Variants in KDM3A observed in about 807,000 individuals in gnomAD.
KDM3A encodes lysine demethylase 3A, also known as lysine-specific demethylase 3A.
In KDM3A, 60 loss-of-function variants were observed where a neutral mutation model predicts 158.0. That is an observed-to-expected ratio of 0.38 (90% CI 0.31 to 0.47). KDM3A has a LOEUF of 0.47. Ranked by LOEUF, KDM3A falls within the 20% of genes least tolerant of loss-of-function variation. KDM3A has a pLI of 0.99. For missense variants in KDM3A, 1,319 were observed against 1,574.3 expected (o/e 0.84, Z 2.74); for synonymous variants, 608 against 549.3 (o/e 1.11, Z -1.49).
At position 86,466,575 on chromosome 2, in the gene KDM3A, A is replaced by G; in HGVS notation, c.1211A>G (p.Glu404Gly). 2 of 1,613,968 alleles carry G rather than the reference A, an allele frequency of 1.2e-6. No homozygotes were observed. The highest frequency in any genetic ancestry group is 1.7e-6 in the Non-Finnish European group (2 of 1,179,908). Residue 404 changes from glutamate (E) to glycine (G), a missense_variant, in exon 10 of 26, where the codon GAG becomes GGG. This residue lies in a region of KDM3A where 652 missense variants were observed against 627.2 expected (regional missense o/e 1.04). Transcript: ENST00000312912. Reference sequence around the variant, plus strand: ...AACACTGATCAGGAAAACAGATTGGAGTCTGTTCCACAAGCATTGACTGGC... The same window carrying G: ...AACACTGATCAGGAAAACAGATTGGGGTCTGTTCCACAAGCATTGACTGGC... ...KTNTDQENRL[E>G]SVPQALTGLP...
At chr2:86,455,293 TC>T (rs1672642202) in intron 5 of KDM3A, 106 bp downstream of exon 5, 18 of 697,838 alleles carry the variant, frequency 2.6e-5, no homozygotes, top group South Asian at 1.9e-4. Flanking sequence ...ATTTCTTTTT[TC>T]TTTTTTTTTT....
intron 2 of KDM3A, among the ~76,000 whole-genome samples, chr2:86,447,926 G>A (rs1683021017): frequency 6.6e-6 from 1 of 152,148 alleles, no homozygotes; most frequent in Non-Finnish European, 1.5e-5. Context: ...ATGTGAATAT[G>A]GAGCAGAAAG....
At chr2:86,461,436 T>C (rs558898910) in intron 8 of KDM3A, among the ~76,000 whole-genome samples, 43 of 152,340 alleles carry the variant, frequency 2.8e-4, no homozygotes, top group Admixed American at 8.5e-4. Flanking sequence ...TTTAGAAATG[T>C]TACATGCTAA....
chr2:86,470,108 T>C (rs1390228782), intron 10 of KDM3A, 96 bp from the exon 11 acceptor site: 5 of 976,518 alleles, frequency 5.1e-6, no homozygotes, highest in Non-Finnish European at 7.9e-6. Context: ...GAGTTCTCTT[T>C]AAGGGAATAT....
At chr2:86,443,832 C>T (rs1210882774) in intron 2 of KDM3A, among the ~76,000 whole-genome samples, 2 of 152,146 alleles carry the variant, frequency 1.3e-5, no homozygotes. Context: ...GAATGGCCAA[C>T]CTTTTTGCTT....
In KDM3A at chr2:86,478,228, A is replaced by G. The variant is rs757066786; in HGVS notation, c.2151A>G (p.Pro717=). 6 of 1,613,988 alleles carry G rather than the reference A, an allele frequency of 3.7e-6. No individual in the cohort carries two copies. Among genetic ancestry groups the G allele is most frequent in the Non-Finnish European group, 4.2e-6 (5 of 1,179,786 alleles). ...LKCVKSQIHE[P]ENLMPTQIIP... ...GTGTGAAGAGTCAGATACATGAACCAGAGAACTTAATGCCCACACAGATCA... is the reference window on the plus strand; with the variant it reads ...GTGTGAAGAGTCAGATACATGAACCGGAGAACTTAATGCCCACACAGATCA... Residue 717 remains proline (P), a synonymous_variant, in exon 14 of 26, where the codon CCA becomes CCG. Transcript: ENST00000312912.
Position 86,485,039 on chromosome 2 carries a change from T to G in KDM3A, c.3182+10T>G. On this transcript the variant is annotated intron_variant, in intron 20 of 25. Coordinates refer to ENST00000312912, the MANE Select transcript of KDM3A (RefSeq NM_018433.6). ...ATATGATGCCTTCCAGGTATGATTA[T>G]GAAGGTGGGGAGAGATGATTCTGTC... The G allele has an allele frequency of 6.9e-7, 1 of 1,458,826 alleles. No homozygotes were observed. Among genetic ancestry groups the G allele is most frequent in the East Asian group, 2.3e-5 (1 of 44,114 alleles). The allele number at this position is 1,458,826 out of a possible 1,614,324, so 90.4% of individuals were successfully genotyped here.
intron 5 of KDM3A, among the ~76,000 whole-genome samples, chr2:86,455,744 A>T (rs555790073): frequency 6.6e-6 from 1 of 151,990 alleles, no homozygotes; most frequent in East Asian, 1.9e-4. Flanking sequence ...CTAGGATAGG[A>T]GTTCAAGACC....
chr2:86,475,282 G>T (rs1163392696), intron 12 of KDM3A, among the ~76,000 whole-genome samples: 2 of 152,154 alleles, frequency 1.3e-5, no homozygotes, highest in East Asian at 1.9e-4. Context: ...ACTAAAAGGG[G>T]ATGAGGTCTC....
intron 23 of KDM3A, chr2:86,490,562 C>T (rs548725421): frequency 3.2e-5 from 6 of 187,270 alleles, no homozygotes; most frequent in Admixed American, 5.7e-5. Flanking sequence ...AACTTTAAAA[C>T]AAGTTCATTT....
chr2:86,447,280 G>A (rs2104624662), intron 2 of KDM3A, among the ~76,000 whole-genome samples: 1 of 150,680 alleles, frequency 6.6e-6, no homozygotes, highest in South Asian at 2.1e-4. Context: ...TGTTTTTAAG[G>A]AGGTAAACTT....
At chr2:86,486,734 AG>A (rs1343724334) in intron 21 of KDM3A, among the ~76,000 whole-genome samples, 2 of 151,818 alleles carry the variant, frequency 1.3e-5, no homozygotes, top group Non-Finnish European at 2.9e-5. Context: ...CTGTTGGGGG[AG>A]GGAAGGGAAG....
In KDM3A at chr2:86,457,067, C is replaced by G; in HGVS notation, c.839C>G (p.Ser280Cys). ...GTTTCCAAACAAGCAAAATCTTGCT[C>G]TGAGGTAACCTTTATTTATGTCACT... The part of the protein sequence containing the change: ...TLVSKQAKSC[S>C]EASPSMCPVQ... Residue 280 changes from serine (S) to cysteine (C), a missense_variant, in exon 8 of 26, where the codon TCT becomes TGT. Ser to Cys is a moderately radical substitution (Grantham distance 112). This residue lies in a region of KDM3A where 652 missense variants were observed against 627.2 expected (regional missense o/e 1.04). Coordinates refer to ENST00000312912, the MANE Select transcript of KDM3A (RefSeq NM_018433.6). 1 of 1,556,744 alleles carries G rather than the reference C, an allele frequency of 6.4e-7. No homozygotes were observed. The highest frequency in any genetic ancestry group is 1.2e-5 in the South Asian group (1 of 83,410).
chr2:86,474,785 C>T lies in KDM3A; in HGVS notation c.1734C>T (p.Phe578=). The T allele has an allele frequency of 7.0e-7, 1 of 1,425,658 alleles. No homozygotes were observed. The highest frequency in any genetic ancestry group is 9.4e-7 in the Non-Finnish European group (1 of 1,059,930). The allele number at this position is 1,425,658 out of a possible 1,614,324, so 88.3% of individuals were successfully genotyped here. A position where few individuals can be genotyped will look rare whatever the true frequency, so the allele number is the denominator to read the frequency against. ...CRFFHFRRLQ[F]NKHGVLRVEG... ...CCCCTGCTTCCCCTAGGTTACAATT[C>T]AACAAACATGGTGTGTTGCGGGTAG... is the stretch of plus-strand genomic sequence containing the variant. The change falls in exon 12 of 26, where the codon TTC becomes TTT. Residue 578 remains phenylalanine, a synonymous_variant. Transcript: ENST00000312912.
chr2:86,454,128 C>T (rs889382350), intron 4 of KDM3A, among the ~76,000 whole-genome samples: 28 of 152,180 alleles, frequency 1.8e-4, no homozygotes, highest in Admixed American at 1.8e-3. Context: ...TTTGTCCCCC[C>T]ACCTCCCTTT....
chr2:86,438,485 G>A (rs1682528384), upstream of KDM3A, among the ~76,000 whole-genome samples: 1 of 151,836 alleles, frequency 6.6e-6, no homozygotes, highest in Non-Finnish European at 1.5e-5. Context: ...TGCTAAGAGT[G>A]GATTTTAAGT....
At chr2:86,443,258 T>C (rs1016047275) in intron 2 of KDM3A, 8 of 152,234 alleles carry the variant, frequency 5.3e-5, no homozygotes, top group African/African-American at 1.9e-4. Flanking sequence ...TTAAACTATG[T>C]TCAAATAAAG....
intron 18 of KDM3A, 74 bp downstream of exon 18, chr2:86,482,768 C>A: frequency 7.2e-7 from 1 of 1,396,994 alleles, no homozygotes; most frequent in South Asian, 1.2e-5. Context: ...TTCTGACAAC[C>A]CCACCCCAGG....
rs373103393 is a variant in KDM3A, at chr2:86,474,936, T to G, written c.1885T>G (p.Phe629Val). 3.1e-6 allele frequency: 5 copies of G among 1,614,012 alleles called. No individual in the cohort carries two copies. The highest frequency in any genetic ancestry group is 4.2e-6 in the Non-Finnish European group (5 of 1,180,036). The change falls in exon 12 of 26, where the codon TTC becomes GTC. Residue 629 changes from phenylalanine (F) to valine (V), a missense_variant. Around this residue, in one of 4 missense-constraint regions of KDM3A, gnomAD observed 113 missense variants for 190.5 expected, o/e 0.59. Coordinates refer to ENST00000312912, the MANE Select transcript of KDM3A (RefSeq NM_018433.6). Reference sequence around the variant, plus strand: ...CATCTTGGCCAACATTGGAGACCACTTCTGTCAAATGGTGATTTCTGAAAA... The same window carrying G: ...CATCTTGGCCAACATTGGAGACCACGTCTGTCAAATGGTGATTTCTGAAAA... Reference protein sequence around the residue: ...KYILANIGDHFCQMVISEKEA... With the variant: ...KYILANIGDHVCQMVISEKEA...
Sources: gnomAD v4.1 joint callset for allele counts (sites outside exome capture counted in the v4.1 genomes callset) on GRCh38, gnomAD v4.1.1 for gene constraint, gnomAD v4.1.1 regional missense constraint, MANE v1.5 for transcripts, NCBI Gene and HGNC (gene_info 2026-07-23, HGNC 2026-07-21) for gene names.